CELF2: variants seen among roughly 807,000 people sequenced by gnomAD.
CELF2 encodes the protein CUGBP Elav-like family member 2, also known as CUG triplet repeat RNA-binding protein 2.
Under a neutral mutation model 62.6 loss-of-function variants are expected in CELF2, and 8 were observed. The ratio of observed to expected loss-of-function variants is 0.13; its 90% confidence interval spans 0.07 to 0.23. The LOEUF (loss-of-function observed/expected upper bound fraction) is 0.23. Ranked by LOEUF, CELF2 falls within the 10% of genes least tolerant of loss-of-function variation. CELF2 has a pLI of 1.00. For missense variants in CELF2, 333 were observed against 671.0 expected (o/e 0.50, Z 5.56); for synonymous variants, 258 against 250.0 (o/e 1.03, Z -0.30).
intron 1 of CELF2, among the ~76,000 whole-genome samples, chr10:11,147,548 C>T (rs1423014174): frequency 6.6e-6 from 1 of 152,108 alleles, no homozygotes; most frequent in Non-Finnish European, 1.5e-5. Context: ...AAGCTTGTCC[C>T]CATAAGCTTT....
chr10:10,691,856 TTG>T, the CELF2 span, among the ~76,000 whole-genome samples: 4 of 148,882 alleles, frequency 2.7e-5, no homozygotes, highest in Non-Finnish European at 6.0e-5. Flanking sequence ...ATGGGGTTGT[TTG>T]TTTTTTTCTT....
At chr10:11,261,645 G>A (rs565096396) in intron 5 of CELF2, among the ~76,000 whole-genome samples, 50 of 152,244 alleles carry the variant, frequency 3.3e-4, no homozygotes, top group African/African-American at 1.0e-3. Flanking sequence ...CTCAGTATGC[G>A]TTTCTCCCTT....
At chr10:11,088,513 T>C (rs746690548) in intron 1 of CELF2, among the ~76,000 whole-genome samples, 1 of 151,896 alleles carries the variant, frequency 6.6e-6, no homozygotes, top group Non-Finnish European at 1.5e-5. Flanking sequence ...TTTAAGAAGA[T>C]GAATTCAGTA....
upstream of CELF2, among the ~76,000 whole-genome samples, chr10:10,793,619 C>T (rs1016440616): frequency 6.6e-6 from 1 of 152,108 alleles, no homozygotes; most frequent in Non-Finnish European, 1.5e-5. Flanking sequence ...TTCAACTAGC[C>T]AATCTTAGGA....
the CELF2 span, among the ~76,000 whole-genome samples, chr10:10,666,329 T>TG: frequency 1.3e-5 from 2 of 152,104 alleles, no homozygotes; most frequent in Non-Finnish European, 2.9e-5. Context: ...AATAAGTCAG[T>TG]GGGGGCAGGT....
At chr10:11,263,593 C>T (rs912145749) in intron 5 of CELF2, among the ~76,000 whole-genome samples, 1 of 152,114 alleles carries the variant, frequency 6.6e-6, no homozygotes, top group African/African-American at 2.4e-5. Context: ...ACCACCGCAC[C>T]CAGAAGCTCA....
At chr10:10,784,163 G>T in the CELF2 span, among the ~76,000 whole-genome samples, 1 of 152,162 alleles carries the variant, frequency 6.6e-6, no homozygotes, top group Non-Finnish European at 1.5e-5. Context: ...GAGCAACAGG[G>T]ATATGCCTCA....
At chr10:10,695,794 C>T in the CELF2 span, among the ~76,000 whole-genome samples, 10 of 152,032 alleles carry the variant, frequency 6.6e-5, no homozygotes, top group East Asian at 3.8e-4. Context: ...TCCAGTTGAT[C>T]GCATCGGCTC....
chr10:10,469,086 G>A, the CELF2 span, among the ~76,000 whole-genome samples: 27 of 151,774 alleles, frequency 1.8e-4, no homozygotes, highest in African/African-American at 5.6e-4. Context: ...CTTGCATAAC[G>A]TTTTAGTGTC....
rs549017465 is a variant in CELF2 at position 10,940,861 on chromosome 10, G to A, written c.89+20862G>A. ...TGTTTTTGGCTTATTTGATGGTTTT[G>A]ATCATCTGTAACTTTTGTAGCAATC... On this transcript the variant is annotated intron_variant, in intron 2 of 13. Coordinates refer to the CELF2 transcript ENST00000636488. Among the ~76,000 whole-genome samples the A allele has an allele frequency of 7.2e-5, 11 of 152,186 alleles. No homozygotes were observed. The South Asian group carries it at 1.7e-3, about 23-fold the overall frequency.
chr10:11,328,813 G>T lies in CELF2; in HGVS notation c.1439-113G>T. On this transcript the variant is annotated intron_variant, in intron 12 of 12. Transcript: ENST00000633077. The surrounding 1 kb of genome is among the most constrained non-coding windows in gnomAD (Gnocchi z 6.4). ...AGTTCCGCAGAGCTGTGCTGGGCCC[G>T]TGGGGCTGGCACCTCATGCTGGCTC... is the stretch of plus-strand genomic sequence containing the variant. 6 of 1,258,452 alleles carry T rather than the reference G, an allele frequency of 4.8e-6. No homozygotes were observed. The highest frequency in any genetic ancestry group is 6.6e-6 in the Non-Finnish European group (6 of 912,772). 78.0% of individuals were successfully genotyped at this position (1,258,452 alleles called of 1,614,324 possible). A position where few individuals can be genotyped will look rare whatever the true frequency, so the allele number is the denominator to read the frequency against.
At chr10:11,181,595 C>T (rs2073398936) in intron 2 of CELF2, among the ~76,000 whole-genome samples, 2 of 152,224 alleles carry the variant, frequency 1.3e-5, no homozygotes, top group South Asian at 4.1e-4. Context: ...GGCTCTTCCT[C>T]CTGGACACCC....
chr10:11,139,427 C>A (rs1420964821), intron 1 of CELF2, among the ~76,000 whole-genome samples: 1 of 152,004 alleles, frequency 6.6e-6, no homozygotes, highest in African/African-American at 2.4e-5. Flanking sequence ...ATTTTTGAAC[C>A]CTTGATTGAC....
intron 1 of CELF2, among the ~76,000 whole-genome samples, chr10:10,890,579 C>T (rs984922961): frequency 3.9e-5 from 6 of 152,208 alleles, no homozygotes; most frequent in African/African-American, 1.4e-4. Flanking sequence ...AAGTAAACTT[C>T]GTTTGAAGCA....
chr10:11,226,029 C>T (rs897892620), intron 3 of CELF2, among the ~76,000 whole-genome samples: 2 of 152,126 alleles, frequency 1.3e-5, no homozygotes, highest in Admixed American at 6.6e-5. Flanking sequence ...GGGTTGGCCT[C>T]GTGGTGGTGG....
chr10:10,881,474 A>G (rs1012247222), intron 1 of CELF2, among the ~76,000 whole-genome samples: 3 of 152,192 alleles, frequency 2.0e-5, no homozygotes, highest in African/African-American at 7.2e-5. Context: ...GAGATACTTC[A>G]AACTTAATGC....
chr10:10,745,121 A>C, the CELF2 span, among the ~76,000 whole-genome samples: 18 of 83,860 alleles, frequency 2.1e-4, no homozygotes, highest in African/African-American at 7.8e-4. Flanking sequence ...CGTAAAAAAA[A>C]AAAAAACAAA....
At chr10:10,716,315 G>C in the CELF2 span, among the ~76,000 whole-genome samples, 8 of 152,342 alleles carry the variant, frequency 5.3e-5, no homozygotes, top group South Asian at 1.7e-3. Flanking sequence ...GGAGGCATAA[G>C]TGAGCAGATG....
chr10:10,956,935 T>TAA (rs777089169), intron 2 of CELF2, among the ~76,000 whole-genome samples: 3 of 141,634 alleles, frequency 2.1e-5, no homozygotes, highest in Non-Finnish European at 3.1e-5. Context: ...CACCGTCTCT[T>TAA]AAAAAAAAAA....
Sources: allele counts gnomAD v4.1 joint callset (sites outside exome capture counted in the v4.1 genomes callset), GRCh38; gene constraint gnomAD v4.1.1; non-coding constraint Gnocchi (gnomAD v3.1); transcripts MANE v1.5; gene names NCBI Gene and HGNC (gene_info 2026-07-23, HGNC 2026-07-21).